The following TGFA variants were observed in gnomAD, a reference collection of about 807,000 sequenced individuals.
The protein encoded by TGFA is transforming growth factor alpha, also known as protransforming growth factor alpha.
TGFA carries 12 observed loss-of-function variants against 21.7 expected under a neutral mutation model. That is an observed-to-expected ratio of 0.55 (90% CI 0.35 to 0.90). The LOEUF is 0.90. Ranked by LOEUF, TGFA falls within the 40% of genes least tolerant of loss-of-function variation. The pLI is 0.01. For synonymous variants in TGFA, 79 were observed against 88.1 expected (o/e 0.90, Z 0.58); for missense variants, 178 against 210.8 (o/e 0.84, Z 0.96).
At chr2:70,465,849 TTC>T in intron 2 of TGFA, 113 bp from the exon 3 acceptor site, 1 of 1,482,212 alleles carries the variant, frequency 6.7e-7, no homozygotes, top group Non-Finnish European at 9.1e-7. Context: ...GGACTTTGGG[TTC>T]TCACCTGGGG....
chr2:70,513,230 A>G (rs1553501175), intron 2 of TGFA, among the ~76,000 whole-genome samples: 1 of 152,002 alleles, frequency 6.6e-6, no homozygotes, highest in Admixed American at 6.5e-5. Flanking sequence ...AGTACTTTCT[A>G]GTGTTTGGGC....
chr2:70,515,553 T>A (rs907836931), intron 1 of TGFA, among the ~76,000 whole-genome samples: 1 of 152,156 alleles, frequency 6.6e-6, no homozygotes, highest in Non-Finnish European at 1.5e-5. Flanking sequence ...AGGAAGTGGC[T>A]GTCCCAACCC....
At chr2:70,503,179 G>A (rs1173348795) in intron 2 of TGFA, among the ~76,000 whole-genome samples, 3 of 152,170 alleles carry the variant, frequency 2.0e-5, no homozygotes, top group Admixed American at 6.5e-5. Flanking sequence ...CAACCCAAAT[G>A]TCCAACAATG....
chr2:70,518,072 C>T (rs782279805), intron 1 of TGFA, among the ~76,000 whole-genome samples: 1 of 152,210 alleles, frequency 6.6e-6, no homozygotes, highest in African/African-American at 2.4e-5. Context: ...CCACAGGCAC[C>T]GCAGCCACAT....
chr2:70,451,220 T>A (rs576018775), intron 5 of TGFA, among the ~76,000 whole-genome samples: 5 of 152,296 alleles, frequency 3.3e-5, no homozygotes, highest in African/African-American at 1.2e-4. Flanking sequence ...GCAGCCCTAG[T>A]CCAGGGCTCT....
At chr2:70,500,686 G>A (rs1020724669) in intron 2 of TGFA, among the ~76,000 whole-genome samples, 1 of 152,136 alleles carries the variant, frequency 6.6e-6, no homozygotes. Context: ...AGACTGTCTG[G>A]TGCTACCTCC....
intron 2 of TGFA, among the ~76,000 whole-genome samples, chr2:70,513,308 G>A (rs1672162307): frequency 6.6e-6 from 1 of 152,158 alleles, no homozygotes; most frequent in Non-Finnish European, 1.5e-5. Flanking sequence ...TTCTAGAAAG[G>A]GGGTTGGGGC....
chr2:70,499,615 G>A (rs112275420), intron 2 of TGFA, among the ~76,000 whole-genome samples: 122 of 152,266 alleles, frequency 8.0e-4, no homozygotes, highest in Middle Eastern at 3.4e-3. Flanking sequence ...TCTGTACTTC[G>A]TTTCTTTATA....
chr2:70,486,862 A>AC (rs1671285896), intron 2 of TGFA, among the ~76,000 whole-genome samples: 3 of 151,782 alleles, frequency 2.0e-5, no homozygotes, highest in Non-Finnish European at 2.9e-5. Context: ...TCCCGGGTTC[A>AC]CACTCATTCT....
intron 1 of TGFA, among the ~76,000 whole-genome samples, chr2:70,542,082 T>C (rs767133927): frequency 2.6e-5 from 4 of 152,272 alleles, no homozygotes; most frequent in East Asian, 1.9e-4. Flanking sequence ...CATAATTCAT[T>C]TGGCAATTCC....
intron 3 of TGFA, among the ~76,000 whole-genome samples, chr2:70,462,159 C>T (rs1670422598): frequency 6.6e-6 from 1 of 152,180 alleles, no homozygotes. Flanking sequence ...CTTCCCAGGG[C>T]CGGGCAAGTC....
intron 1 of TGFA, among the ~76,000 whole-genome samples, chr2:70,525,353 C>A (rs192141115): frequency 3.3e-5 from 5 of 152,264 alleles, no homozygotes; most frequent in Admixed American, 3.3e-4. Flanking sequence ...GGGAAGGGGA[C>A]AATGCTGCCC....
At chr2:70,472,764 C>T (rs543930405) in intron 2 of TGFA, among the ~76,000 whole-genome samples, 1 of 152,378 alleles carries the variant, frequency 6.6e-6, no homozygotes, top group South Asian at 2.1e-4. Context: ...TCTTAACTCT[C>T]TTCCCCAGAT....
In TGFA at chr2:70,491,954, T is replaced by A. The variant is rs11466232; in HGVS notation, c.94+22905A>T. Reference sequence around the variant, plus strand: ...GTGAGAACTTCAATTCTACATTTTTTAAATTTCTTACCAAATATTAACTTA... The same window carrying A: ...GTGAGAACTTCAATTCTACATTTTTAAAATTTCTTACCAAATATTAACTTA... On this transcript the variant is annotated intron_variant, in intron 2 of 5. Coordinates refer to ENST00000295400, the MANE Select transcript of TGFA (RefSeq NM_003236.4). Among the ~76,000 whole-genome samples the A allele has an allele frequency of 5.9e-3, 902 of 152,356 alleles. 9 individuals carry two copies. Among genetic ancestry groups the A allele is most frequent in the African/African-American group, 0.02 (831 of 41,580 alleles).
intron 1 of TGFA, among the ~76,000 whole-genome samples, chr2:70,546,040 C>T (rs2103946951): frequency 6.6e-6 from 1 of 152,256 alleles, no homozygotes; most frequent in South Asian, 2.1e-4. Context: ...TTTCTCCAAT[C>T]AACTTGGCAA....
At position 70,453,406 on chromosome 2, in the gene TGFA, CT is replaced by C. The variant is rs1365771056; in HGVS notation, c.366-80del. On this transcript the variant is annotated intron_variant, in intron 4 of 5. Transcript: ENST00000295400. Reference sequence around the variant, plus strand: ...GTGGTACAGCATCTGCCCTAGGGGCCTGCTGGGCAGCTCCAGCTCTAAACCA... The same window carrying C: ...GTGGTACAGCATCTGCCCTAGGGGCCGCTGGGCAGCTCCAGCTCTAAACCA... The C allele has an allele frequency of 2.3e-6, 3 of 1,307,042 alleles. No individual in the cohort carries two copies. The Admixed American group carries it at 5.6e-5, about 24-fold the overall frequency. 81.0% of individuals were successfully genotyped at this position (1,307,042 alleles called of 1,614,324 possible).
At position 70,519,663 on chromosome 2, in the gene TGFA, C is replaced by G. The variant is rs368653863; in HGVS notation, c.41-4751G>C. 2.1e-4 allele frequency among the ~76,000 whole-genome samples: 32 copies of G among 152,320 alleles called. No individual in the cohort carries two copies. The South Asian group carries it at 6.4e-3, about 31-fold the overall frequency. On this transcript the variant is annotated intron_variant, in intron 1 of 5. Coordinates refer to ENST00000295400, the MANE Select transcript of TGFA (RefSeq NM_003236.4). ...TCCATTGGACAGCAGCAAGTTCCAACTAGAAAAATCTCGGGAAATACTTCA... is the reference window on the plus strand; with the variant it reads ...TCCATTGGACAGCAGCAAGTTCCAAGTAGAAAAATCTCGGGAAATACTTCA...
intron 2 of TGFA, among the ~76,000 whole-genome samples, chr2:70,512,614 A>C (rs1672136881): frequency 2.0e-5 from 3 of 152,260 alleles, no homozygotes; most frequent in Admixed American, 6.5e-5. Context: ...GAGGTTGTTC[A>C]CGACTGCAAA....
intron 3 of TGFA, among the ~76,000 whole-genome samples, chr2:70,460,271 TC>T (rs1553491286): frequency 6.6e-6 from 1 of 152,166 alleles, no homozygotes; most frequent in Non-Finnish European, 1.5e-5. Context: ...CCTAGCTGAT[TC>T]CAGTGGGCAG....
Sources: gnomAD v4.1 joint callset for allele counts (sites outside exome capture counted in the v4.1 genomes callset) on GRCh38, gnomAD v4.1.1 for gene constraint, MANE v1.5 for transcripts, NCBI Gene and HGNC (gene_info 2026-07-23, HGNC 2026-07-21) for gene names.